Variants in ANK2 observed in about 807,000 individuals in gnomAD.
The protein encoded by ANK2 is ankyrin-2.
A neutral mutation model predicts 360.5 loss-of-function variants in ANK2; 83 were observed. That is an observed-to-expected ratio of 0.23 (90% CI 0.19 to 0.28). The LOEUF is 0.28. Among genes scored for constraint, ANK2 ranks in the 10% least tolerant of loss-of-function variants. The pLI, the probability that ANK2 is intolerant of heterozygous loss-of-function variation, is 1.00. For missense variants in ANK2, 4,201 were observed against 4,795.7 expected, an observed-to-expected ratio of 0.88 and a Z score of 3.66; for synonymous variants, 1,740 against 1,759.5, an observed-to-expected ratio of 0.99 and a Z score of 0.28.
intron 1 of ANK2, among the ~76,000 whole-genome samples, chr4:113,089,467 A>G (rs1224886951): frequency 6.6e-6 from 1 of 152,208 alleles, no homozygotes; most frequent in Non-Finnish European, 1.5e-5. Context: ...TTTATAATCT[A>G]AGATGTTACT....
chr4:113,339,444 T>G, intron 32 of ANK2, 122 bp downstream of exon 32: 1 of 813,810 alleles, frequency 1.2e-6, no homozygotes, highest in Non-Finnish European at 2.0e-6. Context: ...TTAAATATGG[T>G]CTGCCTTTGC....
intron 2 of ANK2, among the ~76,000 whole-genome samples, chr4:113,032,766 T>C (rs1207638624): frequency 6.6e-6 from 1 of 152,066 alleles, no homozygotes; most frequent in Non-Finnish European, 1.5e-5. Flanking sequence ...AGTCACCCTG[T>C]AGTGTTTTCC....
intron 4 of ANK2, among the ~76,000 whole-genome samples, chr4:113,224,883 T>C (rs1361816098): frequency 6.6e-6 from 1 of 151,854 alleles, no homozygotes; most frequent in Non-Finnish European, 1.5e-5. Context: ...GAAGTTTTTT[T>C]TTTTTTTTTT....
chr4:112,978,790 A>T (rs866572173), intron 2 of ANK2, among the ~76,000 whole-genome samples: 3 of 152,090 alleles, frequency 2.0e-5, no homozygotes, highest in Admixed American at 6.5e-5. Context: ...TAAGCCTATA[A>T]TTTTACCAAT....
chr4:112,736,988 T>G, the ANK2 span, among the ~76,000 whole-genome samples: 1 of 152,208 alleles, frequency 6.6e-6, no homozygotes, highest in South Asian at 2.1e-4. Flanking sequence ...TGGCTTTTTT[T>G]CAGAAAGTCC....
At position 113,356,757 on chromosome 4, in the gene ANK2, C is replaced by G. The variant is rs564510599; in HGVS notation, c.8139C>G (p.Val2713=). Residue 2713 remains valine, a synonymous_variant, in exon 38 of 46, where the codon GTC becomes GTG. Transcript: ENST00000357077. ...CAGAAGAAGTACAATTCCAGCCTGT[C>G]GTTTCCAAACAATATACTTTCAAGA... ...SSPEEVQFQP[V]VSKQYTFKMN... is the part of the protein sequence containing the mutation. The G allele has an allele frequency of 6.2e-7, 1 of 1,614,026 alleles. No individual in the cohort carries two copies. The highest frequency in any genetic ancestry group is 2.2e-5 in the East Asian group (1 of 44,886).
At chr4:113,098,856 T>A (rs2092239604) in intron 1 of ANK2, among the ~76,000 whole-genome samples, 1 of 151,898 alleles carries the variant, frequency 6.6e-6, no homozygotes, top group Non-Finnish European at 1.5e-5. Context: ...CATTCAAAAG[T>A]CAATTAAGGT....
chr4:113,365,734 C>T (rs969460910), intron 41 of ANK2, among the ~76,000 whole-genome samples: 1 of 151,810 alleles, frequency 6.6e-6, no homozygotes, highest in African/African-American at 2.4e-5. Context: ...AAACCTCCAA[C>T]ACTGTCTCTT....
At chr4:113,196,488 C>T (rs757550009) in intron 3 of ANK2, 22 bp downstream of exon 3, 1 of 1,583,134 alleles carries the variant, frequency 6.3e-7, no homozygotes, top group South Asian at 1.1e-5. Context: ...GTTGGTAGAA[C>T]ATTTTTTTCC....
At chr4:113,101,535 T>C (rs6843620) in intron 1 of ANK2, among the ~76,000 whole-genome samples, 29,244 of 152,072 alleles carry the variant, frequency 0.19, 3,716 homozygotes, top group Non-Finnish European at 0.29. Flanking sequence ...CAACAACAAA[T>C]TTTTCATTCT....
intron 25 of ANK2, 148 bp downstream of exon 25, chr4:113,317,957 C>T: frequency 1.3e-6 from 1 of 760,294 alleles, no homozygotes; most frequent in Non-Finnish European, 2.3e-6. Flanking sequence ...TGAGGGTTTT[C>T]CTAAAACATG....
At chr4:112,841,142 C>T (rs1004824069) in intron 1 of ANK2, among the ~76,000 whole-genome samples, 1 of 139,600 alleles carries the variant, frequency 7.2e-6, no homozygotes, top group Non-Finnish European at 1.5e-5. Flanking sequence ...ATGAAAAGCC[C>T]CTTTACAGCA....
intron 9 of ANK2, among the ~76,000 whole-genome samples, chr4:113,245,648 A>T (rs1378705025): frequency 6.6e-6 from 1 of 152,124 alleles, no homozygotes; most frequent in East Asian, 1.9e-4. Flanking sequence ...ATTACCTCCC[A>T]CTGGGTCCCT....
At chr4:113,176,387 T>C (rs962613211) in intron 2 of ANK2, among the ~76,000 whole-genome samples, 3 of 152,218 alleles carry the variant, frequency 2.0e-5, no homozygotes, top group Non-Finnish European at 2.9e-5. Flanking sequence ...CCCAAATTAC[T>C]GTATTCCAAT....
intron 1 of ANK2, among the ~76,000 whole-genome samples, chr4:113,135,549 A>G (rs1185655904): frequency 8.2e-6 from 1 of 122,224 alleles, no homozygotes; most frequent in Non-Finnish European, 1.7e-5. Context: ...GTGTGTGTGT[A>G]GACATTTATG....
chr4:113,326,819 T>C (rs1052180038), intron 26 of ANK2, among the ~76,000 whole-genome samples: 22 of 152,100 alleles, frequency 1.4e-4, no homozygotes, highest in Non-Finnish European at 4.4e-5. Flanking sequence ...CTGAGCAACA[T>C]AGGGAGACCC....
At chr4:113,369,956 T>A in intron 43 of ANK2, 151 bp downstream of exon 43, 1 of 921,130 alleles carries the variant, frequency 1.1e-6, no homozygotes, top group Non-Finnish European at 1.6e-6. Flanking sequence ...CAATCCCTTT[T>A]AAAATCTGAG....
intron 2 of ANK2, among the ~76,000 whole-genome samples, chr4:113,194,350 TTCCATG>T (rs1176536512): frequency 6.6e-6 from 1 of 152,158 alleles, no homozygotes; most frequent in African/African-American, 2.4e-5. Context: ...ACTCAAATGG[TTCCATG>T]AAAATTTTTA....
At chr4:113,136,970 C>G (rs2096446959) in intron 1 of ANK2, among the ~76,000 whole-genome samples, 1 of 152,050 alleles carries the variant, frequency 6.6e-6, no homozygotes, top group South Asian at 2.1e-4. Context: ...GCTGGCCAAG[C>G]TGGTCTCAAA....
Sources: allele counts gnomAD v4.1 joint callset (sites outside exome capture counted in the v4.1 genomes callset), GRCh38; gene constraint gnomAD v4.1.1; transcripts MANE v1.5; gene names NCBI Gene and HGNC (gene_info 2026-07-23, HGNC 2026-07-21).